Variants in BMAL2 observed in about 807,000 individuals in gnomAD.
BMAL2 encodes basic helix-loop-helix ARNT-like protein 2.
At chr12:27,403,696 T>G in the BMAL2 span, among the ~76,000 whole-genome samples, 1 of 152,148 alleles carries the variant, frequency 6.6e-6, no homozygotes, top group Middle Eastern at 3.4e-3. Context: ...AGATATAAAT[T>G]TTATAAGAAA....
chr12:27,346,541 G>A, the BMAL2 span, among the ~76,000 whole-genome samples: 1 of 152,182 alleles, frequency 6.6e-6, no homozygotes, highest in African/African-American at 2.4e-5. Context: ...AGGATTACAG[G>A]CGTGAGCCAC....
the BMAL2 span, among the ~76,000 whole-genome samples, chr12:27,406,886 G>A: frequency 1.3e-5 from 2 of 152,106 alleles, no homozygotes; most frequent in Admixed American, 6.6e-5. Flanking sequence ...CACAATAAAG[G>A]GATGGAGGAA....
the BMAL2 span, among the ~76,000 whole-genome samples, chr12:27,336,511 A>G: frequency 6.6e-6 from 1 of 152,170 alleles, no homozygotes; most frequent in Non-Finnish European, 1.5e-5. Context: ...TTTATGCAAT[A>G]CTTAGCTATG....
the BMAL2 span, chr12:27,401,740 T>C: frequency 8.2e-7 from 1 of 1,214,660 alleles, no homozygotes; most frequent in Non-Finnish European, 1.1e-6. Context: ...TTTTCTCCTC[T>C]CATCTTGCTA....
chr12:27,409,733 A>C, the BMAL2 span, among the ~76,000 whole-genome samples: 1 of 152,044 alleles, frequency 6.6e-6, no homozygotes, highest in Non-Finnish European at 1.5e-5. Flanking sequence ...CAAAAGCCAA[A>C]ATTGACAAAT....
chr12:27,374,753 T>C, the BMAL2 span, among the ~76,000 whole-genome samples: 1,317 of 152,302 alleles, frequency 8.6e-3, 20 homozygotes, highest in African/African-American at 0.03. Context: ...CCAGCCTGCA[T>C]TGAGTAGTCT....
At chr12:27,413,794 G>GATGGAAAAAGAT in the BMAL2 span, among the ~76,000 whole-genome samples, 2 of 152,164 alleles carry the variant, frequency 1.3e-5, no homozygotes, top group African/African-American at 4.8e-5. Flanking sequence ...AAAGTGAAGG[G>GATGGAAAAAGAT]ATGGAAAAAG....
chr12:27,401,690 T>G, the BMAL2 span: 4 of 1,537,976 alleles, frequency 2.6e-6, no homozygotes, highest in Non-Finnish European at 3.5e-6. Flanking sequence ...TAATTTTTTA[T>G]GTTAAGACCT....
chr12:27,363,568 TTGAG>T, the BMAL2 span, among the ~76,000 whole-genome samples: 1 of 152,236 alleles, frequency 6.6e-6, no homozygotes, highest in African/African-American at 2.4e-5. Context: ...ACCAATGAGA[TTGAG>T]TATCTTTTCA....
At chr12:27,362,929 G>C in the BMAL2 span, among the ~76,000 whole-genome samples, 1 of 152,106 alleles carries the variant, frequency 6.6e-6, no homozygotes, top group African/African-American at 2.4e-5. Flanking sequence ...TCAGCCTCTT[G>C]AGTAGCTAAG....
the BMAL2 span, chr12:27,368,429 C>T: frequency 1.9e-6 from 3 of 1,612,942 alleles, no homozygotes; most frequent in Non-Finnish European, 2.5e-6. Flanking sequence ...GAATTTGGTC[C>T]TCTAACCCAG....
the BMAL2 span, among the ~76,000 whole-genome samples, chr12:27,408,060 G>A: frequency 3.9e-5 from 6 of 152,114 alleles, no homozygotes; most frequent in Admixed American, 1.3e-4. Flanking sequence ...CTGAATCCCT[G>A]AATAGACCAA....
At chr12:27,418,571 C>T in the BMAL2 span, among the ~76,000 whole-genome samples, 6 of 151,708 alleles carry the variant, frequency 4.0e-5, no homozygotes, top group African/African-American at 1.5e-4. Context: ...TACCACTGCA[C>T]TCCAGCCTGG....
At chr12:27,343,509 A>C in the BMAL2 span, among the ~76,000 whole-genome samples, 1 of 152,124 alleles carries the variant, frequency 6.6e-6, no homozygotes. Flanking sequence ...CATTGTGTCT[A>C]CTATTTGCTC....
At chr12:27,367,256 G>T in the BMAL2 span, among the ~76,000 whole-genome samples, 63 of 104,488 alleles carry the variant, frequency 6.0e-4, no homozygotes, top group African/African-American at 3.0e-3. Context: ...AGTGACTCGC[G>T]GGCAGGTGAC....
chr12:27,403,517 C>T, the BMAL2 span: 1 of 1,601,190 alleles, frequency 6.2e-7, no homozygotes, highest in Non-Finnish European at 8.5e-7. Context: ...ACAGATATTG[C>T]AAATGAAATT....
At chr12:27,410,503 C>A in the BMAL2 span, among the ~76,000 whole-genome samples, 1 of 152,058 alleles carries the variant, frequency 6.6e-6, no homozygotes, top group Non-Finnish European at 1.5e-5. Flanking sequence ...GGACAAAAAA[C>A]CAAACACCGC....
At chr12:27,374,414 T>C in the BMAL2 span, among the ~76,000 whole-genome samples, 3 of 152,184 alleles carry the variant, frequency 2.0e-5, no homozygotes, top group Non-Finnish European at 2.9e-5. Context: ...TTAAAGTATA[T>C]GGGAGGATGT....
At chr12:27,337,855 C>G in the BMAL2 span, among the ~76,000 whole-genome samples, 1 of 152,132 alleles carries the variant, frequency 6.6e-6, no homozygotes, top group Non-Finnish European at 1.5e-5. Flanking sequence ...GAACTCTGAC[C>G]TTCAACAAAT....
Sources: gnomAD v4.1 joint callset for allele counts (sites outside exome capture counted in the v4.1 genomes callset) on GRCh38, gnomAD v4.1.1 for gene constraint, MANE v1.5 for transcripts, NCBI Gene and HGNC (gene_info 2026-07-23, HGNC 2026-07-21) for gene names.